NFIB: variants seen among roughly 807,000 people sequenced by gnomAD.
NFIB encodes the protein nuclear factor 1 B-type.
A neutral mutation model predicts 61.5 loss-of-function variants in NFIB; 11 were observed. The observed-to-expected ratio is 0.18, with a 90% CI of 0.11 to 0.30. The LOEUF (loss-of-function observed/expected upper bound fraction) is 0.30. NFIB is among the 10% of genes least tolerant of loss of function. NFIB has a pLI of 1.00. For synonymous variants in NFIB, 260 were observed against 216.5 expected (o/e 1.20, Z -1.76); for missense variants, 471 against 608.9 (o/e 0.77, Z 2.38).
intron 5 of NFIB, among the ~76,000 whole-genome samples, chr9:14,148,262 A>C (rs938261621): frequency 6.6e-6 from 1 of 152,014 alleles, no homozygotes; most frequent in East Asian, 1.9e-4. Flanking sequence ...AGTTAGGATC[A>C]CACACACATG....
At chr9:14,447,429 T>C in the NFIB span, among the ~76,000 whole-genome samples, 1 of 152,300 alleles carries the variant, frequency 6.6e-6, no homozygotes, top group East Asian at 1.9e-4. Flanking sequence ...ATTTCTATCA[T>C]TCACCCGGTG....
At chr9:14,216,149 T>A (rs1009136795) in intron 2 of NFIB, among the ~76,000 whole-genome samples, 6 of 152,262 alleles carry the variant, frequency 3.9e-5, no homozygotes, top group Non-Finnish European at 8.8e-5. Flanking sequence ...TGGCAATGGC[T>A]ACCTTAGAAG....
chr9:14,431,506 C>A, the NFIB span, among the ~76,000 whole-genome samples: 2 of 152,170 alleles, frequency 1.3e-5, no homozygotes, highest in Admixed American at 6.5e-5. Flanking sequence ...TTGTTGCATG[C>A]CTGCCAGGCA....
At chr9:14,164,737 G>A (rs978718193) in intron 3 of NFIB, among the ~76,000 whole-genome samples, 2 of 152,124 alleles carry the variant, frequency 1.3e-5, no homozygotes, top group Non-Finnish European at 2.9e-5. Flanking sequence ...AACCTGAGTG[G>A]ACCGATTATC....
chr9:14,213,447 C>T (rs2050524864), intron 2 of NFIB, among the ~76,000 whole-genome samples: 1 of 152,192 alleles, frequency 6.6e-6, no homozygotes, highest in Admixed American at 6.5e-5. Flanking sequence ...ACCCAGAGAG[C>T]TTGTCCTAAC....
At chr9:14,125,886 CA>C in intron 6 of NFIB, 120 bp from the exon 7 acceptor site, 1 of 1,342,598 alleles carries the variant, frequency 7.4e-7, no homozygotes, top group Non-Finnish European at 1.0e-6. Flanking sequence ...GGCTCTTTTA[CA>C]AAATATATTC....
chr9:14,187,226 A>G (rs1304236746), intron 2 of NFIB, among the ~76,000 whole-genome samples: 1 of 151,698 alleles, frequency 6.6e-6, no homozygotes, highest in Non-Finnish European at 1.5e-5. Flanking sequence ...TGTTAATGGA[A>G]TCCCTGATCT....
At position 14,083,790 on chromosome 9, in the gene NFIB, T is replaced by A. The variant is rs2118360586; in HGVS notation, c.*4519A>T. 1 of 226,686 alleles carries A rather than the reference T, an allele frequency of 4.4e-6. No homozygotes were observed. Among genetic ancestry groups the A allele is most frequent in the Admixed American group, 5.7e-5 (1 of 17,546 alleles). 14.0% of individuals were successfully genotyped at this position (226,686 alleles called of 1,614,324 possible). ...TCCCTGTGCAATCTCTTTCGTTGAG[T>A]CCTTATGAAGCTACAAGTCACAAAT... On this transcript the variant is annotated 3_prime_UTR_variant, in exon 11 of 11. Coordinates refer to ENST00000380953, the MANE Select transcript of NFIB (RefSeq NM_001190737.2).
In NFIB at chr9:14,177,151, T is replaced by G. The variant is rs75576491; in HGVS notation, c.616+2576A>C. On this transcript the variant is annotated intron_variant, in intron 3 of 10. Coordinates refer to ENST00000380953, the MANE Select transcript of NFIB (RefSeq NM_001190737.2). ...TGTGGTGGTAGACTGAATTTTCTCATACATGGATCGTGCCTTCTCAAGACA... is the reference window on the plus strand; with the variant it reads ...TGTGGTGGTAGACTGAATTTTCTCAGACATGGATCGTGCCTTCTCAAGACA... 9.2e-5 allele frequency among the ~76,000 whole-genome samples: 14 copies of G among 152,186 alleles called. 1 individual carries two copies. Among genetic ancestry groups the G allele is most frequent in the Admixed American group, 9.2e-4 (14 of 15,276 alleles).
At chr9:14,389,966 C>T (rs959273853) in intron 1 of NFIB, among the ~76,000 whole-genome samples, 20 of 152,156 alleles carry the variant, frequency 1.3e-4, no homozygotes, top group African/African-American at 4.3e-4. Context: ...GGAAAAATCG[C>T]TTTCAGACCT....
chr9:14,087,140 C>T lies in NFIB; in HGVS notation c.*1169G>A, dbSNP rs2032977456. 1.0e-5 allele frequency: 2 copies of T among 200,734 alleles called. No homozygotes were observed. The highest frequency in any genetic ancestry group is 2.1e-5 in the Non-Finnish European group (2 of 97,122). 12.4% of individuals were successfully genotyped at this position (200,734 alleles called of 1,614,324 possible). A position where few individuals can be genotyped will look rare whatever the true frequency, so the allele number is the denominator to read the frequency against. On this transcript the variant is annotated 3_prime_UTR_variant, in exon 11 of 11. Coordinates refer to ENST00000380953, the MANE Select transcript of NFIB (RefSeq NM_001190737.2). Reference sequence around the variant, plus strand: ...TCTCTATAATGCAGATTTTATAGAACCTTTTGTACACCCTATGGGTTCTTG... The same window carrying T: ...TCTCTATAATGCAGATTTTATAGAATCTTTTGTACACCCTATGGGTTCTTG...
At chr9:14,425,323 G>A in the NFIB span, among the ~76,000 whole-genome samples, 1 of 152,144 alleles carries the variant, frequency 6.6e-6, no homozygotes, top group East Asian at 1.9e-4. Context: ...CAAGATGAGA[G>A]AAGCTGGTAC....
upstream of NFIB, among the ~76,000 whole-genome samples, chr9:14,319,043 C>A (rs1564006183): frequency 6.6e-6 from 1 of 152,134 alleles, no homozygotes; most frequent in Non-Finnish European, 1.5e-5. Context: ...ACCCCCATTG[C>A]TAGCCCTTTG....
At chr9:14,291,862 A>C (rs907660832) in intron 2 of NFIB, among the ~76,000 whole-genome samples, 7 of 152,046 alleles carry the variant, frequency 4.6e-5, no homozygotes, top group African/African-American at 1.4e-4. Flanking sequence ...GTTATTGGAA[A>C]ATTGGCCATA....
intron 2 of NFIB, among the ~76,000 whole-genome samples, chr9:14,188,616 G>A (rs1007334064): frequency 6.6e-5 from 10 of 152,312 alleles, no homozygotes; most frequent in African/African-American, 2.4e-4. Context: ...CATAAATGCT[G>A]CCCATATCTT....
exon 1 of NFIB, chr9:14,398,696 A>G (rs1291106044): frequency 1.7e-6 from 2 of 1,189,926 alleles, no homozygotes; most frequent in Non-Finnish European, 1.2e-6. Flanking sequence ...CTGTTTTAGA[A>G]TGTTTGCTCC....
At chr9:14,264,695 G>A (rs963642279) in intron 2 of NFIB, among the ~76,000 whole-genome samples, 1 of 151,646 alleles carries the variant, frequency 6.6e-6, no homozygotes. Context: ...ATTTTCAACA[G>A]ACTCTATTTC....
chr9:14,119,496 AT>A (rs1364242491), intron 8 of NFIB, among the ~76,000 whole-genome samples: 3 of 133,526 alleles, frequency 2.2e-5, no homozygotes, highest in Non-Finnish European at 1.5e-5. Flanking sequence ...GACCAAAGGG[AT>A]TTTTTTCTCA....
the NFIB span, among the ~76,000 whole-genome samples, chr9:14,526,835 G>A: frequency 6.6e-6 from 1 of 152,160 alleles, no homozygotes; most frequent in Non-Finnish European, 1.5e-5. Flanking sequence ...AGATAGAAGA[G>A]ATAACTCTCC....
Sources: gnomAD v4.1 joint callset for allele counts (sites outside exome capture counted in the v4.1 genomes callset) on GRCh38, gnomAD v4.1.1 for gene constraint, MANE v1.5 for transcripts, NCBI Gene and HGNC (gene_info 2026-07-23, HGNC 2026-07-21) for gene names.